The following MGAT4A variants were observed in gnomAD, a reference collection of about 807,000 sequenced individuals.
MGAT4A encodes the protein N-acetylglucosaminyltransferase IVa.
MGAT4A carries 33 observed loss-of-function variants against 74.1 expected under a neutral mutation model. The ratio of observed to expected loss-of-function variants is 0.45; its 90% CI spans 0.34 to 0.60. The LOEUF is 0.60. Ranked by LOEUF, MGAT4A falls within the 20% of genes least tolerant of loss-of-function variation. The probability of loss-of-function intolerance (pLI) is 0.02; values close to 1 mark genes in which losing one functional copy is unlikely to be tolerated. For synonymous variants in MGAT4A, 198 were observed against 210.4 expected (o/e 0.94, Z 0.51); for missense variants, 479 against 628.3 (o/e 0.76, Z 2.54).
rs1339345162 is a variant in MGAT4A, at chr2:98,695,875, CTTCT to C, written c.95-17408_95-17405del. On this transcript the variant is annotated intron_variant, in intron 2 of 15. Coordinates refer to ENST00000393487, the MANE Select transcript of MGAT4A (RefSeq NM_012214.3). ...ACAATTTAAAGAGTGTTCCACAGAA[CTTCT>C]TTTTTTTTTTTTTTTTTGAGACAGG... Among the ~76,000 whole-genome samples, 10 of 143,362 alleles carry C rather than the reference CTTCT, an allele frequency of 7.0e-5. No individual in the cohort carries two copies. In the South Asian group the frequency reaches 1.3e-3, roughly 19 times the overall value. The allele number at this position is 143,362 out of a possible 152,430, so 94.1% of individuals were successfully genotyped here. A position where few individuals can be genotyped will look rare whatever the true frequency, so the allele number is the denominator to read the frequency against.
intron 2 of MGAT4A, among the ~76,000 whole-genome samples, chr2:98,715,919 T>C (rs184354965): frequency 1.3e-5 from 2 of 152,298 alleles, no homozygotes; most frequent in Admixed American, 1.3e-4. Flanking sequence ...ATAGTAACTT[T>C]ACAATGGAAA....
chr2:98,725,406 C>T (rs1702748260), intron 2 of MGAT4A, among the ~76,000 whole-genome samples: 1 of 152,002 alleles, frequency 6.6e-6, no homozygotes, highest in Admixed American at 6.6e-5. Context: ...GGTTACAAAG[C>T]AATCTTTTCA....
At chr2:98,682,581 G>C (rs923014935) in intron 2 of MGAT4A, among the ~76,000 whole-genome samples, 1 of 152,022 alleles carries the variant, frequency 6.6e-6, no homozygotes, top group Non-Finnish European at 1.5e-5. Flanking sequence ...CAAAGTACTC[G>C]TTACTTTACA....
chr2:98,717,615 G>T (rs1034708043), intron 2 of MGAT4A, among the ~76,000 whole-genome samples: 2 of 152,126 alleles, frequency 1.3e-5, no homozygotes, highest in Admixed American at 6.5e-5. Context: ...TATTGGGGGA[G>T]GATAGGTATA....
At chr2:98,727,851 C>A (rs1702788270) in intron 1 of MGAT4A, among the ~76,000 whole-genome samples, 1 of 152,162 alleles carries the variant, frequency 6.6e-6, no homozygotes, top group African/African-American at 2.4e-5. Flanking sequence ...GTGCCTGATC[C>A]ACCACATGGT....
chr2:98,700,081 T>C lies in MGAT4A; in HGVS notation c.95-21610A>G, dbSNP rs145534919. On this transcript the variant is annotated intron_variant, in intron 2 of 15. Coordinates refer to ENST00000393487, the MANE Select transcript of MGAT4A (RefSeq NM_012214.3). ...TCATACCCAAACCTCATGATTCCGC[T>C]TTTATGGAACTTTCTGAGCAAGTGC... Among the ~76,000 whole-genome samples the C allele has an allele frequency of 7.1e-4, 108 of 152,166 alleles. 1 individual carries two copies. The highest frequency in any genetic ancestry group is 2.6e-3 in the African/African-American group (107 of 41,504).
At position 98,637,526 on chromosome 2, in the gene MGAT4A, T is replaced by G. The variant is rs372085510; in HGVS notation, c.1323-931A>C. On this transcript the variant is annotated intron_variant, in intron 12 of 15. Transcript: ENST00000393487. Reference sequence around the variant, plus strand: ...AAATACTTTCTGGGTGTGAGTATAATACTCTGTTTTTGATACTCTGAAAAC... The same window carrying G: ...AAATACTTTCTGGGTGTGAGTATAAGACTCTGTTTTTGATACTCTGAAAAC... Among the ~76,000 whole-genome samples the G allele has an allele frequency of 5.8e-4, 89 of 152,318 alleles. No homozygotes were observed. In the South Asian group the frequency reaches 0.018, roughly 30 times the overall value.
intron 8 of MGAT4A, among the ~76,000 whole-genome samples, chr2:98,649,271 A>C (rs1257678068): frequency 6.6e-6 from 1 of 152,186 alleles, no homozygotes; most frequent in Non-Finnish European, 1.5e-5. Flanking sequence ...ACTGTAAAAG[A>C]GGGCTGTGTG....
chr2:98,637,302 C>A (rs189374317), intron 12 of MGAT4A, among the ~76,000 whole-genome samples: 52 of 151,720 alleles, frequency 3.4e-4, no homozygotes, highest in Middle Eastern at 3.4e-3. Flanking sequence ...GGTAACACAG[C>A]AAGAACTCAT....
At chr2:98,672,529 A>G (rs1701925263) in intron 4 of MGAT4A, among the ~76,000 whole-genome samples, 2 of 152,190 alleles carry the variant, frequency 1.3e-5, no homozygotes, top group Non-Finnish European at 2.9e-5. Flanking sequence ...TCTACCCTGA[A>G]TGGGCCCTTT....
At chr2:98,704,658 T>C (rs989279009) in intron 2 of MGAT4A, among the ~76,000 whole-genome samples, 10 of 151,960 alleles carry the variant, frequency 6.6e-5, no homozygotes, top group Admixed American at 6.6e-4. Context: ...TAGTCCCAGC[T>C]ACTTGGGAGG....
At chr2:98,687,853 T>C (rs992625582) in intron 2 of MGAT4A, among the ~76,000 whole-genome samples, 1 of 152,084 alleles carries the variant, frequency 6.6e-6, no homozygotes, top group Non-Finnish European at 1.5e-5. Context: ...ACTTTAACTG[T>C]GGGAACTTGA....
At chr2:98,713,813 G>C (rs1702552279) in intron 2 of MGAT4A, among the ~76,000 whole-genome samples, 1 of 152,086 alleles carries the variant, frequency 6.6e-6, no homozygotes, top group Non-Finnish European at 1.5e-5. Context: ...GCATGACATG[G>C]GAGAAACCCA....
chr2:98,724,895 A>G (rs1056627492), intron 2 of MGAT4A, among the ~76,000 whole-genome samples: 7 of 152,212 alleles, frequency 4.6e-5, no homozygotes, highest in African/African-American at 1.7e-4. Context: ...GACAATCAAT[A>G]GTTTGATTAA....
chr2:98,649,433 C>T (rs573355427), intron 8 of MGAT4A, among the ~76,000 whole-genome samples: 1 of 152,248 alleles, frequency 6.6e-6, no homozygotes, highest in Admixed American at 6.5e-5. Context: ...CCCGACTTCT[C>T]CCTAAGGAGA....
intron 13 of MGAT4A, among the ~76,000 whole-genome samples, chr2:98,635,979 C>G (rs951672624): frequency 8.4e-6 from 1 of 119,646 alleles, no homozygotes; most frequent in South Asian, 2.5e-4. Flanking sequence ...GAGCGAGACT[C>G]TGTCTCAAAA....
At chr2:98,694,060 G>GATCCAGC (rs1702232512) in intron 2 of MGAT4A, 1 of 153,610 alleles carries the variant, frequency 6.5e-6, no homozygotes, top group African/African-American at 2.4e-5. Flanking sequence ...CCTAGCCCCA[G>GATCCAGC]CTCCAGCCTG....
intron 2 of MGAT4A, among the ~76,000 whole-genome samples, chr2:98,688,388 C>T (rs1339813535): frequency 6.6e-6 from 1 of 152,182 alleles, no homozygotes; most frequent in African/African-American, 2.4e-5. Context: ...TCACAGACTT[C>T]CACAACCTCT....
chr2:98,715,204 G>T (rs962614827), intron 2 of MGAT4A, among the ~76,000 whole-genome samples: 2 of 151,326 alleles, frequency 1.3e-5, no homozygotes, highest in African/African-American at 4.9e-5. Context: ...TGTAATCCCA[G>T]CTACTCAGGT....
Sources: allele counts gnomAD v4.1 joint callset (sites outside exome capture counted in the v4.1 genomes callset), GRCh38; gene constraint gnomAD v4.1.1; transcripts MANE v1.5; gene names NCBI Gene and HGNC (gene_info 2026-07-23, HGNC 2026-07-21).